Variants in PCDHGA11 observed in about 807,000 individuals in gnomAD.
PCDHGA11 encodes the protein protocadherin gamma-A11.
Under a neutral mutation model 60.4 loss-of-function variants are expected in PCDHGA11, and 39 were observed. The ratio of observed to expected loss-of-function variants is 0.65; its 90% CI spans 0.50 to 0.84. The LOEUF (loss-of-function observed/expected upper bound fraction) is 0.84. PCDHGA11 is among the 40% of genes least tolerant of loss of function. PCDHGA11 has a pLI of 0.00. For synonymous variants in PCDHGA11, 533 were observed against 510.3 expected, an observed-to-expected ratio of 1.04 and a Z score of -0.60; for missense variants, 1,165 against 1,197.7, an observed-to-expected ratio of 0.97 and a Z score of 0.40.
rs11575965 is a variant in PCDHGA11 at position 141,430,679 on chromosome 5, T to C, written c.2433+7019T>C. 6,478 of 1,333,262 alleles carry C rather than the reference T, an allele frequency of 4.9e-3. 34 individuals carry two copies. Among genetic ancestry groups the C allele is most frequent in the Admixed American group, 9.3e-3 (354 of 37,978 alleles). 82.6% of individuals were successfully genotyped at this position (1,333,262 alleles called of 1,614,324 possible). ...CGGAGGAGCTCTGACTTCCCAACTG[T>C]CCCATTCTATGGGCGAAGGAACTGC... On this transcript the variant is annotated intron_variant, in intron 1 of 3. Coordinates refer to ENST00000398587, the MANE Select transcript of PCDHGA11 (RefSeq NM_018914.3).
chr5:141,488,846 C>T (rs1359759383), intron 1 of PCDHGA11, among the ~76,000 whole-genome samples: 1 of 152,174 alleles, frequency 6.6e-6, no homozygotes, highest in African/African-American at 2.4e-5. Flanking sequence ...GCTGAATCAA[C>T]CTGCAGCACG....
chr5:141,443,166 C>T (rs914863821), intron 1 of PCDHGA11, among the ~76,000 whole-genome samples: 2 of 152,124 alleles, frequency 1.3e-5, no homozygotes, highest in African/African-American at 4.8e-5. Context: ...ATTTCCCTAC[C>T]CATGTCCACT....
rs372043756 is a variant in PCDHGA11 at position 141,476,212 on chromosome 5, C to G, written c.2434-18595C>G. ...GTGCCTTGAACAAGGCTTCCACGGT[C>G]ATTCACTATGAGATCCCGGAGGAAA... On this transcript the variant is annotated intron_variant, in intron 1 of 3. Coordinates refer to ENST00000398587, the MANE Select transcript of PCDHGA11 (RefSeq NM_018914.3). The surrounding 1 kb of genome is among the most constrained non-coding windows in gnomAD (Gnocchi z 7.6). 6 of 1,613,932 alleles carry G rather than the reference C, an allele frequency of 3.7e-6. No individual in the cohort carries two copies. The highest frequency in any genetic ancestry group is 5.1e-6 in the Non-Finnish European group (6 of 1,180,012).
chr5:141,436,095 GA>G (rs2097795730), intron 1 of PCDHGA11, among the ~76,000 whole-genome samples: 2 of 152,112 alleles, frequency 1.3e-5, no homozygotes, highest in Non-Finnish European at 2.9e-5. Context: ...AATATTGAGA[GA>G]AATAGAGGAC....
chr5:141,457,574 T>C (rs992522039), intron 1 of PCDHGA11, among the ~76,000 whole-genome samples: 2 of 152,238 alleles, frequency 1.3e-5, no homozygotes, highest in Non-Finnish European at 2.9e-5. Context: ...AAAATTTTTC[T>C]CTCCAGTCCT....
intron 3 of PCDHGA11, among the ~76,000 whole-genome samples, chr5:141,509,732 C>T (rs931066969): frequency 3.9e-5 from 6 of 152,182 alleles, no homozygotes; most frequent in Non-Finnish European, 5.9e-5. Flanking sequence ...CTAGCTGTGG[C>T]ACTCTGAGCC....
Position 141,486,544 on chromosome 5 carries a change from G to C in PCDHGA11, c.2434-8263G>C, listed in dbSNP as rs1376583724. Reference sequence around the variant, plus strand: ...ATGATAATCCACCCTCTTTCTTTCAGAGGTCACATGAGGTGTTTGTTCCTG... The same window carrying C: ...ATGATAATCCACCCTCTTTCTTTCACAGGTCACATGAGGTGTTTGTTCCTG... On this transcript the variant is annotated intron_variant, in intron 1 of 3. Coordinates refer to ENST00000398587, the MANE Select transcript of PCDHGA11 (RefSeq NM_018914.3). The surrounding 1 kb of genome is among the most constrained non-coding windows in gnomAD (Gnocchi z 5.0). The C allele has an allele frequency of 6.2e-7, 1 of 1,613,964 alleles. No homozygotes were observed. The highest frequency in any genetic ancestry group is 1.3e-5 in the African/African-American group (1 of 74,932).
At chr5:141,478,755 A>G in intron 1 of PCDHGA11, 1 of 1,519,784 alleles carries the variant, frequency 6.6e-7, no homozygotes, top group South Asian at 1.3e-5. Flanking sequence ...TTCAGGGGGA[A>G]GATACTTGAC....
At chr5:141,473,750 G>C (rs777343462) in intron 1 of PCDHGA11, among the ~76,000 whole-genome samples, 1 of 152,192 alleles carries the variant, frequency 6.6e-6, no homozygotes, top group Non-Finnish European at 1.5e-5. Context: ...TGAGAACTTG[G>C]ATACTATGCA....
Position 141,490,709 on chromosome 5 carries a change from C to T in PCDHGA11, c.2434-4098C>T. ...GACACTGGGGATAATGCCCGCCTCA[C>T]CTACTCCATTGTAGGAAATCAGGTT... On this transcript the variant is annotated intron_variant, in intron 1 of 3. Transcript: ENST00000398587. This position sits in a 1 kb window ranked among gnomAD's most constrained non-coding sequence, Gnocchi z 5.4. The T allele has an allele frequency of 1.9e-6, 3 of 1,614,218 alleles. No homozygotes were observed. Among genetic ancestry groups the T allele is most frequent in the Non-Finnish European group, 2.5e-6 (3 of 1,180,038 alleles).
chr5:141,428,320 T>C (rs2097132935), intron 1 of PCDHGA11: 2 of 650,176 alleles, frequency 3.1e-6, no homozygotes, highest in Admixed American at 2.2e-5. Context: ...GGCCTTGGCC[T>C]TGATTTCTAT....
Position 141,505,229 on chromosome 5 carries a change from G to T in PCDHGA11, c.2493-164G>T, listed in dbSNP as rs116169437. 9.5e-4 allele frequency: 809 copies of T among 847,460 alleles called. 6 individuals carry two copies. In the African/African-American group the frequency reaches 0.013, roughly 13 times the overall value. 52.5% of individuals were successfully genotyped at this position (847,460 alleles called of 1,614,324 possible). ...TGAGGGACTGACTTGTGGGATTCTG[G>T]CTTCTGAAGGATTGTAGAAGTGCCT... On this transcript the variant is annotated intron_variant, in intron 2 of 3. Coordinates refer to ENST00000398587, the MANE Select transcript of PCDHGA11 (RefSeq NM_018914.3).
intron 1 of PCDHGA11, chr5:141,478,803 T>G: frequency 2.1e-6 from 3 of 1,463,244 alleles, no homozygotes; most frequent in Non-Finnish European, 2.7e-6. Context: ...AGCACTCTTT[T>G]GCTATCACAA....
rs1403789987 is a variant in PCDHGA11 at position 141,511,845 on chromosome 5, T to C, written c.*672T>C. The C allele has an allele frequency of 6.4e-6, 1 of 156,740 alleles. No individual in the cohort carries two copies. The highest frequency in any genetic ancestry group is 1.4e-5 in the Non-Finnish European group (1 of 70,694). 9.7% of individuals were successfully genotyped at this position (156,740 alleles called of 1,614,324 possible). A position where few individuals can be genotyped will look rare whatever the true frequency, so the allele number is the denominator to read the frequency against. On this transcript the variant is annotated 3_prime_UTR_variant, in exon 4 of 4. Transcript: ENST00000398587. ...AACGCCCTGGGGACCAGTCTTCTGT[T>C]TTGTTTTTCATTGTTTGACGTTTCC...
intron 2 of PCDHGA11, among the ~76,000 whole-genome samples, chr5:141,501,290 T>TAC (rs55762287): frequency 0.12 from 16,682 of 135,960 alleles, 995 homozygotes; most frequent in African/African-American, 0.18. Flanking sequence ...TATTCCCTTA[T>TAC]ACACACACAC....
In PCDHGA11 at chr5:141,485,569, T is replaced by C; in HGVS notation, c.2434-9238T>C. The C allele has an allele frequency of 6.2e-7, 1 of 1,612,664 alleles. No individual in the cohort carries two copies. Among genetic ancestry groups the C allele is most frequent in the Non-Finnish European group, 8.5e-7 (1 of 1,178,890 alleles). ...TAGATGTGAATGATCACGCCCCCCG[T>C]TTTCCGCGGCAGCAGCTGGACTTGG... On this transcript the variant is annotated intron_variant, in intron 1 of 3. Coordinates refer to ENST00000398587, the MANE Select transcript of PCDHGA11 (RefSeq NM_018914.3). This position sits in a 1 kb window ranked among gnomAD's most constrained non-coding sequence, Gnocchi z 5.7.
rs777535962 is a variant in PCDHGA11, at chr5:141,431,195, G to T, written c.2433+7535G>T. The T allele has an allele frequency of 1.2e-6, 2 of 1,614,166 alleles. No homozygotes were observed. Among genetic ancestry groups the T allele is most frequent in the East Asian group, 2.2e-5 (1 of 44,890 alleles). On this transcript the variant is annotated intron_variant, in intron 1 of 3. Transcript: ENST00000398587. The surrounding 1 kb of genome is among the most constrained non-coding windows in gnomAD (Gnocchi z 4.8). ...ATTAGAAATAAAAATTAGTGAAAAT[G>T]CAGCCACTGAGATGCGGTTCCCTCT... is the stretch of plus-strand genomic sequence containing the variant.
chr5:141,447,658 A>C (rs114314834), intron 1 of PCDHGA11, among the ~76,000 whole-genome samples: 3,576 of 152,302 alleles, frequency 0.023, 90 homozygotes, highest in Non-Finnish European at 0.03. Context: ...TTTCCCCCCC[A>C]GGAAGTTAGA....
intron 1 of PCDHGA11, among the ~76,000 whole-genome samples, chr5:141,469,061 G>C (rs960166489): frequency 1.3e-5 from 2 of 152,010 alleles, no homozygotes; most frequent in African/African-American, 4.8e-5. Flanking sequence ...AGGATTGCTT[G>C]AGCCTAGGAG....
Sources: allele counts gnomAD v4.1 joint callset (sites outside exome capture counted in the v4.1 genomes callset), GRCh38; gene constraint gnomAD v4.1.1; non-coding constraint Gnocchi (gnomAD v3.1); transcripts MANE v1.5; gene names NCBI Gene and HGNC (gene_info 2026-07-23, HGNC 2026-07-21).